The following DCDC1 variants were observed in gnomAD, a reference collection of about 807,000 sequenced individuals.
DCDC1 encodes doublecortin domain-containing protein 1.
In DCDC1, 200 loss-of-function variants were observed where a neutral mutation model predicts 178.3. That is an observed-to-expected ratio of 1.12 (90% confidence interval 1.00 to 1.26). The LOEUF (loss-of-function observed/expected upper bound fraction) is 1.26. Among genes scored for constraint, DCDC1 ranks in the 50% most tolerant of loss-of-function variants. The probability of loss-of-function intolerance (pLI) is 0.00; values close to 1 mark genes in which losing one functional copy is unlikely to be tolerated. For synonymous variants in DCDC1, 690 were observed against 604.8 expected (o/e 1.14, Z -2.07); for missense variants, 1,983 against 1,749.2 (o/e 1.13, Z -2.38).
chr11:30,935,257 C>G (rs1947202084), intron 21 of DCDC1, among the ~76,000 whole-genome samples: 1 of 152,188 alleles, frequency 6.6e-6, no homozygotes, highest in Non-Finnish European at 1.5e-5. Context: ...CATCATACGT[C>G]ATCCCAGCTG....
At chr11:31,237,883 TCA>T (rs1179397338) in intron 9 of DCDC1, among the ~76,000 whole-genome samples, 1 of 152,068 alleles carries the variant, frequency 6.6e-6, no homozygotes, top group Non-Finnish European at 1.5e-5. Context: ...ATTCACAGAT[TCA>T]CATTTTTTCA....
intron 3 of DCDC1, among the ~76,000 whole-genome samples, chr11:31,323,385 T>C (rs1388917828): frequency 1.3e-5 from 2 of 152,226 alleles, no homozygotes; most frequent in Admixed American, 1.3e-4. Context: ...CTTTTTCTTA[T>C]ACAGAAGCCA....
At chr11:31,178,814 TC>T (rs1374490397) in intron 9 of DCDC1, among the ~76,000 whole-genome samples, 1 of 152,084 alleles carries the variant, frequency 6.6e-6, no homozygotes, top group Admixed American at 6.5e-5. Flanking sequence ...TGCCTCAGCC[TC>T]CCGAGTAGGT....
intron 9 of DCDC1, among the ~76,000 whole-genome samples, chr11:31,212,500 T>C (rs1374523692): frequency 1.3e-5 from 2 of 152,052 alleles, no homozygotes; most frequent in Non-Finnish European, 1.5e-5. Flanking sequence ...AAGATGAACA[T>C]AGCTAACTGG....
chr11:31,241,676 C>G (rs1210091319), intron 8 of DCDC1, 60 bp from the exon 9 acceptor site: 1 of 394,656 alleles, frequency 2.5e-6, no homozygotes, highest in Admixed American at 4.4e-5. Flanking sequence ...AATACACTGC[C>G]TGGAACACAG....
intron 20 of DCDC1, among the ~76,000 whole-genome samples, chr11:31,037,724 AAGTG>A (rs1197503287): frequency 6.6e-6 from 1 of 151,968 alleles, no homozygotes; most frequent in Non-Finnish European, 1.5e-5. Flanking sequence ...CGGCCTCCCA[AAGTG>A]CTGGGATTAC....
chr11:31,063,949 T>C (rs1388258451), intron 20 of DCDC1, among the ~76,000 whole-genome samples: 4 of 152,164 alleles, frequency 2.6e-5, no homozygotes, highest in Non-Finnish European at 5.9e-5. Context: ...AGAAATTGTG[T>C]CCATTTCTTA....
intron 20 of DCDC1, among the ~76,000 whole-genome samples, chr11:31,062,326 T>C (rs1329759264): frequency 1.3e-5 from 2 of 152,038 alleles, no homozygotes; most frequent in African/African-American, 4.8e-5. Context: ...GTATTACGAG[T>C]TCTCAAGTGT....
intron 32 of DCDC1, among the ~76,000 whole-genome samples, 184 bp downstream of exon 32, chr11:30,903,298 A>G (rs1041362219): frequency 5.3e-5 from 8 of 152,198 alleles, no homozygotes; most frequent in African/African-American, 1.9e-4. Context: ...TTAATTTTTA[A>G]CTTTTCTTAT....
intron 18 of DCDC1, among the ~76,000 whole-genome samples, chr11:31,069,069 T>C (rs1240630343): frequency 6.6e-6 from 1 of 152,164 alleles, no homozygotes; most frequent in African/African-American, 2.4e-5. Context: ...GCCAGGATGG[T>C]CTCGATCTCC....
At chr11:30,878,421 T>C (rs778730006) in intron 38 of DCDC1, 123 bp downstream of exon 38, 2 of 944,754 alleles carry the variant, frequency 2.1e-6, no homozygotes, top group Non-Finnish European at 2.9e-6. Context: ...GCCACTACAC[T>C]CCAGCCTGGG....
intron 9 of DCDC1, among the ~76,000 whole-genome samples, chr11:31,204,322 A>G (rs767349838): frequency 2.0e-5 from 3 of 152,202 alleles, no homozygotes; most frequent in Non-Finnish European, 2.9e-5. Flanking sequence ...TAGAAAAAGT[A>G]CAACACCCCA....
intron 1 of DCDC1, among the ~76,000 whole-genome samples, chr11:31,369,433 C>A (rs1952156423): frequency 1.3e-5 from 2 of 152,134 alleles, no homozygotes; most frequent in South Asian, 4.1e-4. Context: ...ACTGTAGGGA[C>A]GAGAGTGGCA....
chr11:30,990,952 G>A (rs993994203), intron 20 of DCDC1, among the ~76,000 whole-genome samples: 1 of 152,144 alleles, frequency 6.6e-6, no homozygotes, highest in African/African-American at 2.4e-5. Flanking sequence ...AAATAATTTT[G>A]GGGTGGGAAG....
rs199955696 is a variant in DCDC1, at chr11:31,294,798, A to AAAAGAAAGAAAG, written c.755-3958_755-3947dup. ...AAAGAGAAAGAAAGAAAAATAAAGA[A>AAAAGAAAGAAAG]AAAGAAAGAAAGAAAGAAAGAAAGA... On this transcript the variant is annotated intron_variant, in intron 6 of 38. Transcript: ENST00000684477. 2.4e-3 allele frequency among the ~76,000 whole-genome samples: 307 copies of AAAAGAAAGAAAG among 125,306 alleles called. 1 individual carries two copies. Among genetic ancestry groups the AAAAGAAAGAAAG allele is most frequent in the Admixed American group, 3.2e-3 (39 of 12,140 alleles). The allele number at this position is 125,306 out of a possible 152,430, so 82.2% of individuals were successfully genotyped here.
rs376635827 is a variant in DCDC1 at position 31,358,406 on chromosome 11, C to T, written c.-125+11291G>A. On this transcript the variant is annotated intron_variant, in intron 1 of 38. Transcript: ENST00000684477. ...CCATATGTAGAAAGCTGAAACTGGA[C>T]CCCTTCCTTACACCTTATACAAAAA... 5.8e-4 allele frequency among the ~76,000 whole-genome samples: 88 copies of T among 151,960 alleles called. 1 individual carries two copies. In the South Asian group the frequency reaches 6.9e-3, roughly 12 times the overall value.
At chr11:31,056,668 A>G (rs1001012831) in intron 20 of DCDC1, among the ~76,000 whole-genome samples, 2 of 152,200 alleles carry the variant, frequency 1.3e-5, no homozygotes, top group African/African-American at 4.8e-5. Context: ...CTCAAATTAT[A>G]GAAAAGAAAA....
At chr11:31,263,857 C>CA (rs1944962619) in intron 8 of DCDC1, among the ~76,000 whole-genome samples, 1 of 152,164 alleles carries the variant, frequency 6.6e-6, no homozygotes, top group South Asian at 2.1e-4. Context: ...CCTCCTCAAG[C>CA]ATGGAGTTAA....
At chr11:31,031,583 A>G (rs1055031823) in intron 20 of DCDC1, among the ~76,000 whole-genome samples, 1 of 152,266 alleles carries the variant, frequency 6.6e-6, no homozygotes, top group Non-Finnish European at 1.5e-5. Context: ...AGTGGTAAAA[A>G]TGTACACACT....
Sources: allele counts gnomAD v4.1 joint callset (sites outside exome capture counted in the v4.1 genomes callset), GRCh38; gene constraint gnomAD v4.1.1; transcripts MANE v1.5; gene names NCBI Gene and HGNC (gene_info 2026-07-23, HGNC 2026-07-21).